Variants in TBP observed in about 807,000 individuals in gnomAD.
The protein encoded by TBP is TATA-box binding protein.
A neutral mutation model predicts 46.2 loss-of-function variants in TBP; 12 were observed. The observed-to-expected ratio is 0.26, with a 90% CI of 0.17 to 0.42. The LOEUF (loss-of-function observed/expected upper bound fraction) is 0.42. Among genes scored for constraint, TBP ranks in the 10% least tolerant of loss-of-function variants. The probability of loss-of-function intolerance (pLI) is 1.00; values close to 1 mark genes in which losing one functional copy is unlikely to be tolerated. For synonymous variants in TBP, 157 were observed against 148.3 expected (o/e 1.06, Z -0.42); for missense variants, 229 against 403.1 (o/e 0.57, Z 3.70).
At chr6:170,557,343 T>C (rs1283088123) in intron 2 of TBP, among the ~76,000 whole-genome samples, 3 of 152,204 alleles carry the variant, frequency 2.0e-5, no homozygotes, top group African/African-American at 4.8e-5. Flanking sequence ...CAAATGACTA[T>C]ATAGGGTCTT....
At chr6:170,564,897 G>A (rs1299776897) in intron 4 of TBP, among the ~76,000 whole-genome samples, 4 of 151,270 alleles carry the variant, frequency 2.6e-5, no homozygotes, top group African/African-American at 4.9e-5. Context: ...TGGCTCACAC[G>A]TGTAATCCCA....
At chr6:170,565,142 C>T (rs1176690895) in intron 4 of TBP, among the ~76,000 whole-genome samples, 3 of 151,926 alleles carry the variant, frequency 2.0e-5, no homozygotes, top group South Asian at 2.1e-4. Context: ...GGCAACAGAG[C>T]GAGACTCCGC....
Position 170,568,815 on chromosome 6 carries a change from CTTTTTTTTTTTTTT to C in TBP, c.678-783_678-770del, listed in dbSNP as rs377394208. The stretch of plus-strand genomic sequence containing the variant: ...TTCTCTTCTTTCTTTCTTTCCTTTT[CTTTTTTTTTTTTTT>C]TTTTTTTTTTTTTGGTGGAGTCACC... On this transcript the variant is annotated intron_variant, in intron 5 of 7. Coordinates refer to ENST00000392092, the MANE Select transcript of TBP (RefSeq NM_003194.5). 6.4e-5 allele frequency among the ~76,000 whole-genome samples: 4 copies of C among 62,610 alleles called. 1 individual carries two copies. The highest frequency in any genetic ancestry group is 1.4e-4 in the African/African-American group (2 of 14,808). 41.1% of individuals were successfully genotyped at this position (62,610 alleles called of 152,430 possible).
At chr6:170,559,867 G>C (rs1413814965) in intron 2 of TBP, among the ~76,000 whole-genome samples, 2 of 152,212 alleles carry the variant, frequency 1.3e-5, no homozygotes, top group Admixed American at 1.3e-4. Flanking sequence ...GAGCTGGTGA[G>C]TTTAAATTGA....
Position 170,556,887 on chromosome 6 carries a change from C to T in TBP, c.-143C>T, listed in dbSNP as rs1779040921. 3.9e-6 allele frequency: 3 copies of T among 773,270 alleles called. No homozygotes were observed. The highest frequency in any genetic ancestry group is 6.6e-6 in the Non-Finnish European group (3 of 457,766). 47.9% of individuals were successfully genotyped at this position (773,270 alleles called of 1,614,324 possible). A position where few individuals can be genotyped will look rare whatever the true frequency, so the allele number is the denominator to read the frequency against. The stretch of plus-strand genomic sequence containing the variant: ...TAGACTTTTTTCCAAAGCAGCATCA[C>T]TGTTTCTTGGCGTGTGAAGATAACC... On this transcript the variant is annotated 5_prime_UTR_variant, in exon 2 of 8. Transcript: ENST00000392092.
Position 170,557,045 on chromosome 6 carries a change from A to C in TBP, c.16A>C (p.Ser6Arg), listed in dbSNP as rs766191843. 3 of 1,614,172 alleles carry C rather than the reference A, an allele frequency of 1.9e-6. No individual in the cohort carries two copies. The highest frequency in any genetic ancestry group is 1.7e-6 in the Non-Finnish European group (2 of 1,180,008). ...AGTGAACATCATGGATCAGAACAAC[A>C]GCCTGCCACCTTACGCTCAGGGCTT... The part of the protein sequence containing the change: MDQNN[S>R]LPPYAQGLAS... Residue 6 changes from serine to arginine, a missense_variant, in exon 2 of 8, where the codon AGC becomes CGC. By Grantham distance (110) the Ser-to-Arg change is moderately radical. Coordinates refer to ENST00000392092, the MANE Select transcript of TBP (RefSeq NM_003194.5).
At chr6:170,570,070 G>T (rs1562362731) in intron 6 of TBP, among the ~76,000 whole-genome samples, 1 of 125,540 alleles carries the variant, frequency 8.0e-6, no homozygotes, top group Non-Finnish European at 1.7e-5. Context: ...TGGAATGCAT[G>T]AATTGACCCT....
At chr6:170,564,289 A>G (rs1291034676) in intron 3 of TBP, among the ~76,000 whole-genome samples, 1 of 152,190 alleles carries the variant, frequency 6.6e-6, no homozygotes, top group African/African-American at 2.4e-5. Context: ...GTTGCACTCT[A>G]CCTTTAAGCC....
In TBP at chr6:170,572,409, T is replaced by G; in HGVS notation, c.*144T>G. 2 of 694,258 alleles carry G rather than the reference T, an allele frequency of 2.9e-6. No individual in the cohort carries two copies. Among genetic ancestry groups the G allele is most frequent in the Non-Finnish European group, 2.5e-6 (1 of 406,186 alleles). The allele number at this position is 694,258 out of a possible 1,614,324, so 43.0% of individuals were successfully genotyped here. ...TGTGGCACCAGGTGATGCCCTTCTGTAAGTGCCCACCGCGGGATGCCGGGA... is the reference window on the plus strand; with the variant it reads ...TGTGGCACCAGGTGATGCCCTTCTGGAAGTGCCCACCGCGGGATGCCGGGA... On this transcript the variant is annotated 3_prime_UTR_variant, in exon 8 of 8. Coordinates refer to ENST00000392092, the MANE Select transcript of TBP (RefSeq NM_003194.5).
chr6:170,567,237 C>T (rs1194756165), intron 5 of TBP: 2 of 171,304 alleles, frequency 1.2e-5, no homozygotes, highest in African/African-American at 2.4e-5. Context: ...TATGGGCAGG[C>T]GTGGTGTCTC....
intron 7 of TBP, 74 bp downstream of exon 7, chr6:170,571,578 G>T: frequency 1.7e-6 from 2 of 1,193,488 alleles, no homozygotes; most frequent in Non-Finnish European, 1.2e-6. Flanking sequence ...GTGCTGAAAA[G>T]AAATTTCAGT....
chr6:170,569,155 G>A (rs1043162018), intron 5 of TBP, among the ~76,000 whole-genome samples: 8 of 152,144 alleles, frequency 5.3e-5, no homozygotes, highest in Non-Finnish European at 7.3e-5. Context: ...CTGCTAAGTC[G>A]TAGTTTATTC....
intron 2 of TBP, 32 bp from the exon 3 acceptor site, chr6:170,561,759 G>T: frequency 1.9e-6 from 3 of 1,594,190 alleles, no homozygotes; most frequent in Non-Finnish European, 1.7e-6. Flanking sequence ...GCAGCAGCCA[G>T]CCTAACCTGT....
chr6:170,568,821 T>C lies in TBP; in HGVS notation c.678-791T>C, dbSNP rs13211484. Among the ~76,000 whole-genome samples, 5 of 107,204 alleles carry C rather than the reference T, an allele frequency of 4.7e-5. 1 individual carries two copies. Among genetic ancestry groups the C allele is most frequent in the Admixed American group, 8.7e-5 (1 of 11,490 alleles). 70.3% of individuals were successfully genotyped at this position (107,204 alleles called of 152,430 possible). On this transcript the variant is annotated intron_variant, in intron 5 of 7. Transcript: ENST00000392092. ...TCTTTCTTTCTTTCCTTTTCTTTTT[T>C]TTTTTTTTTTTTTTTTTTTTTGGTG...
intron 6 of TBP, 119 bp from the exon 7 acceptor site, chr6:170,571,291 A>C: frequency 1.5e-6 from 1 of 682,000 alleles, no homozygotes; most frequent in Admixed American, 2.8e-5. Context: ...TGCTTGAAGA[A>C]CTGTGTTTTA....
chr6:170,572,253 G>A lies in TBP; in HGVS notation c.1008G>A (p.Arg336=). 6.2e-7 allele frequency: 1 copy of A among 1,613,368 alleles called. No homozygotes were observed. Among genetic ancestry groups the A allele is most frequent in the Non-Finnish European group, 8.5e-7 (1 of 1,179,744 alleles). The change falls in exon 8 of 8, where the codon AGG becomes AGA. Residue 336 remains arginine (R), a synonymous_variant. Coordinates refer to ENST00000392092, the MANE Select transcript of TBP (RefSeq NM_003194.5). ...ENIYPILKGF[R]KTT Reference sequence around the variant, plus strand: ...TCTACCCTATTCTAAAGGGATTCAGGAAGACGACGTAATGGCTCTCATGTA... The same window carrying A: ...TCTACCCTATTCTAAAGGGATTCAGAAAGACGACGTAATGGCTCTCATGTA...
intron 3 of TBP, 118 bp downstream of exon 3, chr6:170,562,351 G>T (rs1204169793): frequency 7.6e-6 from 9 of 1,188,762 alleles, no homozygotes; most frequent in Non-Finnish European, 1.0e-5. Context: ...CGGTAATTGT[G>T]TATCAAAATT....
chr6:170,567,474 G>A (rs1211126827), intron 5 of TBP: 1 of 152,094 alleles, frequency 6.6e-6, no homozygotes. Flanking sequence ...GACAGAACAA[G>A]ACACTTTCTC....
chr6:170,563,455 A>G (rs1027800333), intron 3 of TBP, among the ~76,000 whole-genome samples: 2 of 152,316 alleles, frequency 1.3e-5, no homozygotes, highest in African/African-American at 2.4e-5. Context: ...ATAAGAATAC[A>G]TTTAACAATT....
Sources: allele counts gnomAD v4.1 joint callset (sites outside exome capture counted in the v4.1 genomes callset), GRCh38; gene constraint gnomAD v4.1.1; transcripts MANE v1.5; gene names NCBI Gene and HGNC (gene_info 2026-07-23, HGNC 2026-07-21).